The following CAMTA1 variants were observed in gnomAD, a reference collection of about 807,000 sequenced individuals.
CAMTA1 encodes calmodulin binding transcription activator 1.
CAMTA1 carries 27 observed loss-of-function variants against 170.9 expected under a neutral mutation model. The observed-to-expected ratio is 0.16, with a 90% CI of 0.12 to 0.22. The LOEUF (loss-of-function observed/expected upper bound fraction) is 0.22, where lower values mean the gene tolerates loss of function less well. CAMTA1 is among the 10% of genes least tolerant of loss of function. The pLI is 1.00. For missense variants in CAMTA1, 1,619 were observed against 2,217.2 expected, an observed-to-expected ratio of 0.73 and a Z score of 5.42; for synonymous variants, 833 against 891.5, an observed-to-expected ratio of 0.93 and a Z score of 1.17.
intron 19 of CAMTA1, 137 bp downstream of exon 19, chr1:7,747,918 T>A (rs2096868290): frequency 9.5e-5 from 52 of 548,564 alleles, no homozygotes; most frequent in Middle Eastern, 2.8e-4. Flanking sequence ...TTTTTTTTTT[T>A]TATTTTTTTT....
In CAMTA1 at chr1:7,609,281, G is replaced by A. The variant is rs546611848; in HGVS notation, c.511-31119G>A. 2.3e-3 allele frequency among the ~76,000 whole-genome samples: 343 copies of A among 152,208 alleles called. 2 individuals are homozygous for A. Among genetic ancestry groups the A allele is most frequent in the African/African-American group, 7.6e-3 (314 of 41,530 alleles). ...ATTCCCCACAGCATGGCAGGTGCCC[G>A]GCTGCTGGGTCACCCCATCGGCTGT... On this transcript the variant is annotated intron_variant, in intron 6 of 22. Transcript: ENST00000303635. This position sits in a 1 kb window ranked among gnomAD's most constrained non-coding sequence, Gnocchi z 4.4.
At chr1:7,462,411 G>A (rs920736072) in intron 5 of CAMTA1, among the ~76,000 whole-genome samples, 5 of 152,144 alleles carry the variant, frequency 3.3e-5, no homozygotes, top group African/African-American at 1.2e-4. Context: ...GACTACAGGT[G>A]CATGCCATCA....
At chr1:7,068,817 ATCT>A (rs1015404912) in intron 3 of CAMTA1, among the ~76,000 whole-genome samples, 24 of 151,908 alleles carry the variant, frequency 1.6e-4, no homozygotes, top group African/African-American at 5.8e-4. Flanking sequence ...GGGCGTGAAA[ATCT>A]TCTTTCTCTT....
At chr1:7,558,402 G>A (rs529277306) in intron 6 of CAMTA1, among the ~76,000 whole-genome samples, 53 of 152,330 alleles carry the variant, frequency 3.5e-4, no homozygotes, top group African/African-American at 1.2e-3. Flanking sequence ...CCAACACGCC[G>A]TGCCCCTCCA....
intron 3 of CAMTA1, among the ~76,000 whole-genome samples, chr1:7,069,416 C>T (rs1438253134): frequency 6.6e-6 from 1 of 152,196 alleles, no homozygotes; most frequent in Non-Finnish European, 1.5e-5. Context: ...ATCGGGATCA[C>T]AGTGATCATA....
intron 3 of CAMTA1, among the ~76,000 whole-genome samples, chr1:6,983,453 C>T (rs543042883): frequency 6.8e-4 from 104 of 152,306 alleles, no homozygotes; most frequent in African/African-American, 2.5e-3. Context: ...ATCTCAACCC[C>T]CTAAACCTAC....
chr1:7,696,262 T>C (rs530142242), intron 11 of CAMTA1, among the ~76,000 whole-genome samples: 1 of 152,312 alleles, frequency 6.6e-6, no homozygotes, highest in South Asian at 2.1e-4. Context: ...AGTGGCGCAA[T>C]CTCGGCTCAT....
At chr1:7,568,060 C>T (rs1266423469) in intron 6 of CAMTA1, among the ~76,000 whole-genome samples, 2 of 152,118 alleles carry the variant, frequency 1.3e-5, no homozygotes. Flanking sequence ...TTTACCATTA[C>T]CACCGTCATC....
At chr1:6,858,442 T>TGTG (rs142635550) in intron 3 of CAMTA1, among the ~76,000 whole-genome samples, 35 of 113,796 alleles carry the variant, frequency 3.1e-4, no homozygotes, top group South Asian at 1.6e-3. Flanking sequence ...AAGTGGTGTG[T>TGTG]GTGGTGGTGG....
chr1:7,103,560 TAC>T (rs757753548), intron 4 of CAMTA1, among the ~76,000 whole-genome samples: 3 of 26,048 alleles, frequency 1.2e-4, no homozygotes, highest in Non-Finnish European at 2.1e-4. Flanking sequence ...ACTACACACA[TAC>T]ACACAACACA....
intron 6 of CAMTA1, among the ~76,000 whole-genome samples, chr1:7,616,517 A>G (rs1266679392): frequency 1.3e-5 from 2 of 152,256 alleles, no homozygotes; most frequent in Admixed American, 6.5e-5. Context: ...TCTTAAAGCA[A>G]CAGCCTCCAG....
chr1:7,598,066 C>T (rs2150543932), intron 6 of CAMTA1, among the ~76,000 whole-genome samples: 1 of 151,808 alleles, frequency 6.6e-6, no homozygotes, highest in East Asian at 1.9e-4. Context: ...GGTATATCTC[C>T]TAATGCTATC....
chr1:7,502,179 G>A (rs1575669476), intron 6 of CAMTA1, among the ~76,000 whole-genome samples: 1 of 152,214 alleles, frequency 6.6e-6, no homozygotes, highest in Non-Finnish European at 1.5e-5. Flanking sequence ...GGCTTACAGG[G>A]TGGTCTCCAC....
intron 20 of CAMTA1, among the ~76,000 whole-genome samples, 178 bp from the exon 21 acceptor site, chr1:7,752,281 G>A (rs80120949): frequency 4.6e-4 from 70 of 152,248 alleles, no homozygotes; most frequent in Middle Eastern, 3.4e-3. Flanking sequence ...GCCCGGACTC[G>A]ATACTATGGG....
intron 5 of CAMTA1, among the ~76,000 whole-genome samples, chr1:7,452,972 C>T (rs1028160135): frequency 1.3e-5 from 2 of 152,052 alleles, no homozygotes; most frequent in African/African-American, 2.4e-5. Flanking sequence ...GTTCTTGAAT[C>T]GGCTTCCAGT....
Position 7,251,385 on chromosome 1 carries a change from T to A in CAMTA1, c.438+1759T>A, listed in dbSNP as rs979308212. On this transcript the variant is annotated intron_variant, in intron 5 of 22. Transcript: ENST00000303635. This position sits in a 1 kb window ranked among gnomAD's most constrained non-coding sequence, Gnocchi z 5.1. Reference sequence around the variant, plus strand: ...GTGTGCTCATACTTGCAGGCAACAGTCTGTCCCCTCAGAACTTCGGGAAAG... The same window carrying A: ...GTGTGCTCATACTTGCAGGCAACAGACTGTCCCCTCAGAACTTCGGGAAAG... 1.4e-4 allele frequency among the ~76,000 whole-genome samples: 21 copies of A among 152,298 alleles called. No homozygotes were observed. Among genetic ancestry groups the A allele is most frequent in the African/African-American group, 4.6e-4 (19 of 41,580 alleles).
At chr1:6,997,593 C>T (rs192193673) in intron 3 of CAMTA1, among the ~76,000 whole-genome samples, 1 of 151,880 alleles carries the variant, frequency 6.6e-6, no homozygotes, top group East Asian at 1.9e-4. Context: ...TTCTGTCCTC[C>T]TGGGTCTCCT....
intron 6 of CAMTA1, among the ~76,000 whole-genome samples, chr1:7,554,142 G>A (rs539749159): frequency 6.6e-6 from 1 of 152,268 alleles, no homozygotes; most frequent in East Asian, 1.9e-4. Flanking sequence ...CATAAAGGAA[G>A]GCAGGAGTCA....
chr1:7,490,584 G>A (rs868574424), intron 6 of CAMTA1, among the ~76,000 whole-genome samples: 9 of 152,156 alleles, frequency 5.9e-5, no homozygotes, highest in East Asian at 3.9e-4. Context: ...CCCAGGAGGC[G>A]GAGGTTGCGG....
Sources: allele counts gnomAD v4.1 joint callset (sites outside exome capture counted in the v4.1 genomes callset), GRCh38; gene constraint gnomAD v4.1.1; non-coding constraint Gnocchi (gnomAD v3.1); transcripts MANE v1.5; gene names NCBI Gene and HGNC (gene_info 2026-07-23, HGNC 2026-07-21).